Variants in SLC44A5 observed in about 807,000 individuals in gnomAD.
SLC44A5 encodes solute carrier family 44 member 5.
Under a neutral mutation model 101.8 loss-of-function variants are expected in SLC44A5, and 57 were observed. The ratio of observed to expected loss-of-function variants is 0.56; its 90% CI spans 0.45 to 0.70. The LOEUF is 0.70. Among genes scored for constraint, SLC44A5 ranks in the 30% least tolerant of loss-of-function variants. The probability of loss-of-function intolerance (pLI) is 0.00; values close to 1 mark genes in which losing one functional copy is unlikely to be tolerated. For synonymous variants in SLC44A5, 281 were observed against 290.9 expected, an observed-to-expected ratio of 0.97 and a Z score of 0.35; for missense variants, 737 against 853.1, an observed-to-expected ratio of 0.86 and a Z score of 1.70.
chr1:75,597,542 A>C (rs1674713646), intron 1 of SLC44A5, among the ~76,000 whole-genome samples: 1 of 152,220 alleles, frequency 6.6e-6, no homozygotes, highest in African/African-American at 2.4e-5. Flanking sequence ...ACCCAACTTC[A>C]AACTATACTA....
chr1:75,410,910 G>C (rs1383565826), intron 2 of SLC44A5, among the ~76,000 whole-genome samples: 1 of 152,128 alleles, frequency 6.6e-6, no homozygotes, highest in Admixed American at 6.6e-5. Context: ...GTGAGACCCT[G>C]TCTCTGCCCT....
chr1:75,313,495 T>C (rs2100924757), intron 4 of SLC44A5, among the ~76,000 whole-genome samples: 1 of 152,348 alleles, frequency 6.6e-6, no homozygotes, highest in South Asian at 2.1e-4. Context: ...TTTTCTGTAA[T>C]GGACATAAGG....
At position 75,611,088 on chromosome 1, in the gene SLC44A5, A is replaced by G. The variant is rs1371001352; in HGVS notation, c.-118T>C. ...TAACTCCATCAACACTGAACCTTCT[A>G]ACTCTAACATGCTACGATTCACTAC... On this transcript the variant is annotated 5_prime_UTR_variant, in exon 1 of 24. Transcript: ENST00000370859. The G allele has an allele frequency of 1.3e-5, 13 of 985,328 alleles. No individual in the cohort carries two copies. Among genetic ancestry groups the G allele is most frequent in the Non-Finnish European group, 1.6e-5 (13 of 829,884 alleles). 61.0% of individuals were successfully genotyped at this position (985,328 alleles called of 1,614,324 possible). A position where few individuals can be genotyped will look rare whatever the true frequency, so the allele number is the denominator to read the frequency against.
intron 2 of SLC44A5, among the ~76,000 whole-genome samples, chr1:75,444,591 A>T (rs1665437602): frequency 6.6e-6 from 1 of 151,340 alleles, no homozygotes; most frequent in Non-Finnish European, 1.5e-5. Flanking sequence ...TTTTTTTTTT[A>T]AGATGGGAGA....
chr1:75,635,980 T>G, the SLC44A5 span, among the ~76,000 whole-genome samples: 1 of 151,992 alleles, frequency 6.6e-6, no homozygotes, highest in Non-Finnish European at 1.5e-5. Context: ...ATCGTGTAAT[T>G]GTAACGTCAA....
chr1:75,387,046 T>A (rs1264597760), intron 3 of SLC44A5, among the ~76,000 whole-genome samples: 23 of 152,014 alleles, frequency 1.5e-4, no homozygotes, highest in Non-Finnish European at 2.8e-4. Flanking sequence ...TTACACCTTA[T>A]ACAAAAATCA....
Position 75,582,096 on chromosome 1 carries a change from A to G in SLC44A5, c.-70+28944T>C, listed in dbSNP as rs970322556. 14 of 724,394 alleles carry G rather than the reference A, an allele frequency of 1.9e-5. No homozygotes were observed. The African/African-American group carries it at 2.1e-4, about 11-fold the overall frequency. 44.9% of individuals were successfully genotyped at this position (724,394 alleles called of 1,614,324 possible). On this transcript the variant is annotated intron_variant, in intron 1 of 23. Transcript: ENST00000370859. ...AGGAGCCACGGGTTACAGTGCAGAC[A>G]TGGCCAAGTCCAAGAACCACACCAC...
intron 2 of SLC44A5, among the ~76,000 whole-genome samples, chr1:75,477,635 T>A (rs1017559193): frequency 2.0e-5 from 3 of 152,060 alleles, no homozygotes; most frequent in African/African-American, 7.3e-5. Flanking sequence ...TGTGATCAAC[T>A]GGAAGAAAGG....
chr1:75,513,716 C>A (rs1469312477), intron 2 of SLC44A5, among the ~76,000 whole-genome samples: 1 of 152,220 alleles, frequency 6.6e-6, no homozygotes, highest in African/African-American at 2.4e-5. Context: ...TCCAATCCAA[C>A]ATACAAAAGG....
chr1:75,672,921 G>A, the SLC44A5 span, among the ~76,000 whole-genome samples: 3 of 152,058 alleles, frequency 2.0e-5, no homozygotes, highest in Admixed American at 6.6e-5. Context: ...GCTGACTTGA[G>A]AGCCCTTCAG....
the SLC44A5 span, among the ~76,000 whole-genome samples, chr1:75,625,520 TA>T: frequency 6.6e-6 from 1 of 152,184 alleles, no homozygotes; most frequent in African/African-American, 2.4e-5. Context: ...CCAAAAATAC[TA>T]TCTTCACTAG....
intron 2 of SLC44A5, among the ~76,000 whole-genome samples, chr1:75,477,904 C>A (rs1570398710): frequency 1.3e-5 from 2 of 152,024 alleles, no homozygotes; most frequent in East Asian, 3.9e-4. Flanking sequence ...ACAGAGAACG[C>A]CACAAAGATA....
intron 5 of SLC44A5, among the ~76,000 whole-genome samples, chr1:75,299,946 T>C (rs1266267973): frequency 1.4e-5 from 2 of 144,340 alleles, no homozygotes; most frequent in Non-Finnish European, 3.0e-5. Context: ...AACCAGGGAG[T>C]TGGAGGTTGC....
the SLC44A5 span, among the ~76,000 whole-genome samples, chr1:75,678,017 A>G: frequency 2.6e-5 from 4 of 152,154 alleles, no homozygotes; most frequent in Non-Finnish European, 4.4e-5. Flanking sequence ...CACCAGGAAA[A>G]TTGGGTCACT....
chr1:75,307,430 A>G (rs1654995563), intron 4 of SLC44A5, among the ~76,000 whole-genome samples: 1 of 152,206 alleles, frequency 6.6e-6, no homozygotes, highest in African/African-American at 2.4e-5. Flanking sequence ...AGGCTTTATT[A>G]GAGGATAATG....
chr1:75,345,580 A>G (rs1291721975), intron 3 of SLC44A5, among the ~76,000 whole-genome samples: 1 of 152,212 alleles, frequency 6.6e-6, no homozygotes, highest in African/African-American at 2.4e-5. Flanking sequence ...CAATAATTCT[A>G]GAAGGATTTC....
chr1:75,465,754 A>G (rs571605924), intron 2 of SLC44A5, among the ~76,000 whole-genome samples: 36 of 152,292 alleles, frequency 2.4e-4, no homozygotes, highest in African/African-American at 8.7e-4. Context: ...ATGAGCAACT[A>G]TATGCCAATA....
chr1:75,340,564 C>T (rs896060728), intron 3 of SLC44A5, among the ~76,000 whole-genome samples: 1 of 152,190 alleles, frequency 6.6e-6, no homozygotes, highest in Non-Finnish European at 1.5e-5. Flanking sequence ...CTGAATCTGC[C>T]TCACTGCAAC....
intron 3 of SLC44A5, among the ~76,000 whole-genome samples, chr1:75,394,319 G>A (rs1393697602): frequency 2.0e-5 from 3 of 152,174 alleles, no homozygotes; most frequent in Non-Finnish European, 4.4e-5. Context: ...ATGAAGTAAT[G>A]CAGATACAAC....
Sources: gnomAD v4.1 joint callset for allele counts (sites outside exome capture counted in the v4.1 genomes callset) on GRCh38, gnomAD v4.1.1 for gene constraint, MANE v1.5 for transcripts, NCBI Gene and HGNC (gene_info 2026-07-23, HGNC 2026-07-21) for gene names.